The following UBR3 variants were observed in gnomAD, a reference collection of about 807,000 sequenced individuals.
UBR3 encodes E3 ubiquitin-protein ligase UBR3.
UBR3 carries 85 observed loss-of-function variants against 243.2 expected under a neutral mutation model. That is an observed-to-expected ratio of 0.35 (90% confidence interval 0.29 to 0.42). The LOEUF (loss-of-function observed/expected upper bound fraction) is 0.42, where lower values mean the gene tolerates loss of function less well. Among genes scored for constraint, UBR3 ranks in the 10% least tolerant of loss-of-function variants. The probability of loss-of-function intolerance (pLI) is 1.00; values close to 1 mark genes in which losing one functional copy is unlikely to be tolerated. For synonymous variants in UBR3, 748 were observed against 799.8 expected, an observed-to-expected ratio of 0.94 and a Z score of 1.09; for missense variants, 1,686 against 2,300.8, an observed-to-expected ratio of 0.73 and a Z score of 5.47.
At chr2:170,029,208 T>C (rs1484417964) in intron 30 of UBR3, 138 bp from the exon 31 acceptor site, 2 of 626,660 alleles carry the variant, frequency 3.2e-6, no homozygotes, top group Non-Finnish European at 5.4e-6. Context: ...TGTGAAGTAA[T>C]TGGGACTTAA....
At chr2:169,912,215 T>A (rs1456880385) in intron 10 of UBR3, among the ~76,000 whole-genome samples, 1 of 120,404 alleles carries the variant, frequency 8.3e-6, no homozygotes, top group African/African-American at 2.5e-5. Context: ...TGTTTTTAAC[T>A]TAAAAAAGGA....
At chr2:170,043,353 T>G (rs2091013135) in intron 32 of UBR3, among the ~76,000 whole-genome samples, 1 of 152,194 alleles carries the variant, frequency 6.6e-6, no homozygotes, top group East Asian at 1.9e-4. Context: ...TGGCACTGGC[T>G]TTCAACAGAA....
chr2:170,080,407 T>C, intron 37 of UBR3, 138 bp from the exon 38 acceptor site: 1 of 947,476 alleles, frequency 1.1e-6, no homozygotes, highest in Non-Finnish European at 1.5e-6. Context: ...GTGTTAGGAA[T>C]GGAGTTATAA....
intron 22 of UBR3, chr2:169,948,084 T>C: frequency 3.0e-6 from 1 of 335,634 alleles, no homozygotes; most frequent in Non-Finnish European, 4.2e-6. Flanking sequence ...TGTGTGTTTT[T>C]TTTTTTTGAC....
intron 32 of UBR3, among the ~76,000 whole-genome samples, chr2:170,042,462 A>G (rs774436566): frequency 7.9e-5 from 12 of 151,980 alleles, no homozygotes; most frequent in Non-Finnish European, 1.6e-4. Flanking sequence ...GCCAAGTGTG[A>G]TGGATCACTT....
At chr2:169,979,036 C>G (rs1339318119) in intron 24 of UBR3, among the ~76,000 whole-genome samples, 3 of 152,116 alleles carry the variant, frequency 2.0e-5, no homozygotes, top group African/African-American at 7.2e-5. Flanking sequence ...GACTGGTATT[C>G]AAAAGATATA....
In UBR3 at chr2:170,082,819, T is replaced by A. The variant is rs1280468505; in HGVS notation, c.*976T>A. On this transcript the variant is annotated 3_prime_UTR_variant, in exon 39 of 39. Transcript: ENST00000272793. The stretch of plus-strand genomic sequence containing the variant: ...TATTGTATTTGTGCAGTGTAATCAC[T>A]ACTATTTCTGCTCGGTTTCCTAAAA... The A allele has an allele frequency of 2.0e-5, 3 of 152,246 alleles. No homozygotes were observed. The highest frequency in any genetic ancestry group is 4.4e-5 in the Non-Finnish European group (3 of 68,020). 9.4% of individuals were successfully genotyped at this position (152,246 alleles called of 1,614,324 possible).
chr2:170,014,219 G>A (rs1202318731), intron 29 of UBR3: 1 of 154,520 alleles, frequency 6.5e-6, no homozygotes, highest in Non-Finnish European at 1.4e-5. Flanking sequence ...GTAAATACAT[G>A]GAAATATAAT....
intron 23 of UBR3, among the ~76,000 whole-genome samples, chr2:169,950,520 C>G (rs2086973262): frequency 6.6e-6 from 1 of 151,830 alleles, no homozygotes; most frequent in South Asian, 2.1e-4. Context: ...AAAACACATT[C>G]TGACTAACTT....
chr2:169,835,741 T>C lies in UBR3; in HGVS notation c.545+7689T>C, dbSNP rs116781849. On this transcript the variant is annotated intron_variant, in intron 1 of 38. Transcript: ENST00000272793. ...CAGGCGTGAGCCACCGTGCGTGGCC[T>C]AATTTTTAAATCATTATAAAACTCA... Among the ~76,000 whole-genome samples, 363 of 152,150 alleles carry C rather than the reference T, an allele frequency of 2.4e-3. 2 individuals are homozygous for C. Among genetic ancestry groups the C allele is most frequent in the African/African-American group, 8.5e-3 (352 of 41,532 alleles).
At chr2:169,918,670 A>C (rs1450968846) in intron 11 of UBR3, among the ~76,000 whole-genome samples, 2 of 152,092 alleles carry the variant, frequency 1.3e-5, no homozygotes, top group Admixed American at 6.6e-5. Flanking sequence ...ATCATATAGA[A>C]ACAGGAGATG....
chr2:169,897,441 G>GTATA (rs1392763001), intron 8 of UBR3, among the ~76,000 whole-genome samples: 3 of 151,440 alleles, frequency 2.0e-5, no homozygotes, highest in African/African-American at 7.3e-5. Context: ...CTATATATAT[G>GTATA]TATATGTGTG....
chr2:169,957,321 A>G (rs1168969430), intron 23 of UBR3, among the ~76,000 whole-genome samples: 1 of 151,556 alleles, frequency 6.6e-6, no homozygotes, highest in Non-Finnish European at 1.5e-5. Context: ...TTGGATGTCC[A>G]TCAGTGATAG....
rs191278079 is a variant in UBR3, at chr2:169,984,194, C to T, written c.3635-2451C>T. On this transcript the variant is annotated intron_variant, in intron 24 of 38. Coordinates refer to ENST00000272793, the MANE Select transcript of UBR3 (RefSeq NM_172070.4). ...TGCATTAAGTACCTTTATTATAATA[C>T]TTGTTACAGAATATACCAAGTTACT... 1.2e-3 allele frequency among the ~76,000 whole-genome samples: 184 copies of T among 152,104 alleles called. 4 individuals carry two copies. The highest frequency in any genetic ancestry group is 0.012 in the Admixed American group (181 of 15,272).
chr2:169,874,254 C>T (rs546550318), intron 2 of UBR3, among the ~76,000 whole-genome samples: 276 of 151,938 alleles, frequency 1.8e-3, no homozygotes, highest in African/African-American at 6.3e-3. Context: ...CCGCAGCCTC[C>T]GCCTCCTGGG....
intron 25 of UBR3, among the ~76,000 whole-genome samples, chr2:169,992,342 C>G (rs1192805776): frequency 1.3e-5 from 2 of 152,150 alleles, no homozygotes; most frequent in Non-Finnish European, 2.9e-5. Context: ...AGAATTAACA[C>G]CAATGCTTCT....
At chr2:169,922,681 T>C (rs1028153001) in intron 11 of UBR3, among the ~76,000 whole-genome samples, 5 of 152,306 alleles carry the variant, frequency 3.3e-5, no homozygotes, top group East Asian at 3.9e-4. Flanking sequence ...GAACCTCATA[T>C]AGGTGGAATC....
intron 29 of UBR3, 180 bp from the exon 30 acceptor site, chr2:170,015,101 G>T (rs1257931737): frequency 1.6e-5 from 8 of 498,256 alleles, no homozygotes; most frequent in Non-Finnish European, 2.5e-5. Context: ...TGGATAAATT[G>T]TTCCCTTTGT....
At chr2:169,959,792 A>G (rs950286468) in intron 24 of UBR3, among the ~76,000 whole-genome samples, 1 of 152,120 alleles carries the variant, frequency 6.6e-6, no homozygotes, top group Admixed American at 6.6e-5. Context: ...CCAAGAGGCC[A>G]TTGTTACAGG....
Sources: gnomAD v4.1 joint callset for allele counts (sites outside exome capture counted in the v4.1 genomes callset) on GRCh38, gnomAD v4.1.1 for gene constraint, MANE v1.5 for transcripts, NCBI Gene and HGNC (gene_info 2026-07-23, HGNC 2026-07-21) for gene names.